The following MCPH1 variants were observed in gnomAD, a reference collection of about 807,000 sequenced individuals.
MCPH1 encodes microcephalin.
A neutral mutation model predicts 84.5 loss-of-function variants in MCPH1; 104 were observed. The observed-to-expected ratio is 1.23, with a 90% CI of 1.05 to 1.45. The LOEUF (loss-of-function observed/expected upper bound fraction) is 1.45, where lower values mean the gene tolerates loss of function less well. MCPH1 is among the 40% of genes most tolerant of loss of function. The probability of loss-of-function intolerance (pLI) is 0.00; values close to 1 mark genes in which losing one functional copy is unlikely to be tolerated. For synonymous variants in MCPH1, 514 were observed against 366.8 expected (o/e 1.40, Z -4.58); for missense variants, 1,498 against 1,005.7 (o/e 1.49, Z -6.62).
chr8:6,567,557 G>A (rs1002176492), intron 12 of MCPH1, among the ~76,000 whole-genome samples: 1 of 152,214 alleles, frequency 6.6e-6, no homozygotes, highest in African/African-American at 2.4e-5. Flanking sequence ...GAAGTGGCCT[G>A]GGATGCAAGT....
intron 8 of MCPH1, among the ~76,000 whole-genome samples, chr8:6,450,016 C>T (rs994872759): frequency 5.3e-5 from 8 of 151,142 alleles, no homozygotes; most frequent in Non-Finnish European, 5.9e-5. Context: ...TATCTATACC[C>T]CACTTGTCCA....
chr8:6,409,542 A>G (rs1798247725), intron 2 of MCPH1, among the ~76,000 whole-genome samples, 172 bp downstream of exon 2: 1 of 152,196 alleles, frequency 6.6e-6, no homozygotes, highest in African/African-American at 2.4e-5. Context: ...TAGGACTTTC[A>G]GAACTCAATG....
intron 8 of MCPH1, among the ~76,000 whole-genome samples, chr8:6,449,870 T>C (rs1169178220): frequency 2.6e-5 from 4 of 152,194 alleles, no homozygotes; most frequent in African/African-American, 9.7e-5. Context: ...AAAGTCAGTT[T>C]GAATTGCCAA....
At chr8:6,631,977 C>CA (rs754387826) in intron 13 of MCPH1, among the ~76,000 whole-genome samples, 13 of 152,280 alleles carry the variant, frequency 8.5e-5, no homozygotes, top group Non-Finnish European at 1.0e-4. Context: ...GTGGTCTATC[C>CA]ATACAGTGGA....
intron 13 of MCPH1, among the ~76,000 whole-genome samples, chr8:6,637,787 A>G (rs1310603393): frequency 1.3e-5 from 2 of 152,136 alleles, no homozygotes; most frequent in Admixed American, 1.3e-4. Flanking sequence ...ATGGAAGCAG[A>G]GAAAGCAGTC....
intron 12 of MCPH1, among the ~76,000 whole-genome samples, chr8:6,601,522 GACACACAC>G (rs144757663): frequency 0.017 from 2,414 of 144,074 alleles, 40 homozygotes; most frequent in Non-Finnish European, 0.021. Flanking sequence ...CATCATATGG[GACACACAC>G]ACACACACAC....
At chr8:6,496,142 C>T (rs955380920) in intron 11 of MCPH1, among the ~76,000 whole-genome samples, 1 of 151,906 alleles carries the variant, frequency 6.6e-6, no homozygotes, top group Non-Finnish European at 1.5e-5. Flanking sequence ...CAGTGGGAGC[C>T]CTGAGCTTGT....
chr8:6,429,600 G>A (rs1224341800), intron 3 of MCPH1, among the ~76,000 whole-genome samples: 1 of 151,606 alleles, frequency 6.6e-6, no homozygotes, highest in Admixed American at 6.6e-5. Context: ...GTTGGTTTAT[G>A]TCTTTTTGTT....
chr8:6,547,103 G>T (rs1822739294), intron 12 of MCPH1, among the ~76,000 whole-genome samples: 2 of 151,860 alleles, frequency 1.3e-5, no homozygotes, highest in African/African-American at 4.8e-5. Flanking sequence ...GTAGATAGGT[G>T]CCAGTTTTAC....
intron 12 of MCPH1, among the ~76,000 whole-genome samples, chr8:6,602,554 A>G (rs562230357): frequency 6.6e-6 from 1 of 151,992 alleles, no homozygotes; most frequent in South Asian, 2.1e-4. Context: ...GTGCTCTCCC[A>G]CTCAGAGAGC....
At chr8:6,553,370 A>AGCC (rs1360958529) in intron 12 of MCPH1, among the ~76,000 whole-genome samples, 1 of 152,214 alleles carries the variant, frequency 6.6e-6, no homozygotes, top group Non-Finnish European at 1.5e-5. Flanking sequence ...CAGTAAACCT[A>AGCC]GCCAGCCCTC....
At chr8:6,408,318 G>T (rs1459661878) in intron 1 of MCPH1, among the ~76,000 whole-genome samples, 2 of 152,020 alleles carry the variant, frequency 1.3e-5, no homozygotes, top group African/African-American at 4.8e-5. Flanking sequence ...AAGCAATTCT[G>T]CTTCAGCCTC....
chr8:6,578,608 T>G (rs1827303107), intron 12 of MCPH1, among the ~76,000 whole-genome samples: 1 of 152,214 alleles, frequency 6.6e-6, no homozygotes, highest in South Asian at 2.1e-4. Flanking sequence ...TGCTAGTATT[T>G]TGGAGAAAAT....
intron 12 of MCPH1, among the ~76,000 whole-genome samples, chr8:6,603,333 C>T (rs527623961): frequency 6.6e-6 from 1 of 152,150 alleles, no homozygotes; most frequent in East Asian, 1.9e-4. Context: ...TGCATAGGGG[C>T]ATGAGTGAAC....
At chr8:6,572,145 A>C (rs1826709889) in intron 12 of MCPH1, among the ~76,000 whole-genome samples, 1 of 151,840 alleles carries the variant, frequency 6.6e-6, no homozygotes, top group Non-Finnish European at 1.5e-5. Flanking sequence ...GAGAGGATGC[A>C]GTATTAAACG....
intron 8 of MCPH1, chr8:6,447,160 A>G (rs759879496): frequency 1.6e-5 from 16 of 985,328 alleles, no homozygotes; most frequent in Non-Finnish European, 1.9e-5. Flanking sequence ...GCTAGCCTAA[A>G]TCGAACCCTT....
In MCPH1 at chr8:6,646,116, G is replaced by A. The variant is rs1798204958; in HGVS notation, c.*3067G>A. The A allele has an allele frequency of 1.3e-5, 2 of 152,142 alleles. No individual in the cohort carries two copies. The highest frequency in any genetic ancestry group is 2.9e-5 in the Non-Finnish European group (2 of 68,024). 9.4% of individuals were successfully genotyped at this position (152,142 alleles called of 1,614,324 possible). On this transcript the variant is annotated 3_prime_UTR_variant, in exon 14 of 14. Coordinates refer to ENST00000344683, the MANE Select transcript of MCPH1 (RefSeq NM_024596.5). Reference sequence around the variant, plus strand: ...ATAGAACCTGATTCCAAAACTGTCAGTAAAACTACAATAATTACAAAGTAT... The same window carrying A: ...ATAGAACCTGATTCCAAAACTGTCAATAAAACTACAATAATTACAAAGTAT...
In MCPH1 at chr8:6,445,207, TTCGAG is replaced by T; in HGVS notation, c.1487_1491del (p.Ser496LeufsTer7). On this transcript the variant is annotated frameshift_variant, in exon 8 of 14. Transcript: ENST00000344683. LOFTEE classifies it high-confidence loss of function. ...CTGGAAATGGTGAAGGCCGTGCAACTTCGAGTTGCGTGACTTCTGCCCCTGAAGAA... is the reference window on the plus strand; with the variant it reads ...CTGGAAATGGTGAAGGCCGTGCAACTTTGCGTGACTTCTGCCCCTGAAGAA... 6.2e-7 allele frequency: 1 copy of T among 1,614,242 alleles called. No homozygotes were observed. The highest frequency in any genetic ancestry group is 8.5e-7 in the Non-Finnish European group (1 of 1,180,044).
chr8:6,603,204 C>T (rs1829504543), intron 12 of MCPH1, among the ~76,000 whole-genome samples: 1 of 152,108 alleles, frequency 6.6e-6, no homozygotes, highest in Non-Finnish European at 1.5e-5. Flanking sequence ...GGTCTTGGGG[C>T]TCATAGGAAT....
Sources: allele counts gnomAD v4.1 joint callset (sites outside exome capture counted in the v4.1 genomes callset), GRCh38; gene constraint gnomAD v4.1.1; transcripts MANE v1.5; gene names NCBI Gene and HGNC (gene_info 2026-07-23, HGNC 2026-07-21).